FKBP9: variants seen among roughly 807,000 people sequenced by gnomAD.
The protein encoded by FKBP9 is FKBP prolyl isomerase 9, also known as peptidyl-prolyl cis-trans isomerase FKBP9.
FKBP9 carries 27 observed loss-of-function variants against 55.6 expected under a neutral mutation model. The observed-to-expected ratio is 0.49, with a 90% CI of 0.36 to 0.67. FKBP9 has a LOEUF of 0.67. FKBP9 is among the 30% of genes least tolerant of loss of function. The probability of loss-of-function intolerance (pLI) is 0.00; values close to 1 mark genes in which losing one functional copy is unlikely to be tolerated. For missense variants in FKBP9, 539 were observed against 742.8 expected, an observed-to-expected ratio of 0.73 and a Z score of 3.19; for synonymous variants, 267 against 296.5, an observed-to-expected ratio of 0.90 and a Z score of 1.02.
intron 7 of FKBP9, among the ~76,000 whole-genome samples, chr7:32,996,814 G>T: frequency 1.3e-5 from 1 of 78,190 alleles, no homozygotes; most frequent in Non-Finnish European, 2.4e-5. Flanking sequence ...TTGAGACGGA[G>T]TCTCGCTCTG....
intron 1 of FKBP9, among the ~76,000 whole-genome samples, chr7:32,973,682 GT>G (rs745717239): frequency 0.016 from 1,064 of 64,958 alleles, 6 homozygotes; most frequent in African/African-American, 0.05. Context: ...GTTTTTTGTT[GT>G]TTTTTTTTTT....
At chr7:32,999,801 G>GCTCCT (rs1303196401) in intron 7 of FKBP9, among the ~76,000 whole-genome samples, 1 of 152,006 alleles carries the variant, frequency 6.6e-6, no homozygotes, top group Non-Finnish European at 1.5e-5. Flanking sequence ...GGAGTGCAGG[G>GCTCCT]GCACGATCCT....
chr7:32,976,974 T>C (rs962528773), intron 4 of FKBP9, among the ~76,000 whole-genome samples: 6 of 152,242 alleles, frequency 3.9e-5, no homozygotes, highest in Admixed American at 3.9e-4. Context: ...CTATAAAAGT[T>C]GCAGATATCC....
intron 8 of FKBP9, among the ~76,000 whole-genome samples, chr7:33,002,377 C>T (rs1784950497): frequency 6.6e-6 from 1 of 152,186 alleles, no homozygotes; most frequent in South Asian, 2.1e-4. Flanking sequence ...AAGTGATCCG[C>T]CCGAGTCGGC....
At chr7:32,960,706 C>T (rs1001723746) in intron 1 of FKBP9, among the ~76,000 whole-genome samples, 7 of 152,074 alleles carry the variant, frequency 4.6e-5, no homozygotes, top group Non-Finnish European at 8.8e-5. Flanking sequence ...ATTCATCAAA[C>T]GTTTTTCAGC....
Position 33,005,517 on chromosome 7 carries a change from G to A in FKBP9, c.*166G>A, listed in dbSNP as rs1256175156. The A allele has an allele frequency of 7.0e-6, 5 of 715,900 alleles. No homozygotes were observed. The highest frequency in any genetic ancestry group is 6.9e-6 in the Non-Finnish European group (3 of 432,064). The allele number at this position is 715,900 out of a possible 1,614,324, so 44.3% of individuals were successfully genotyped here. ...ACATCGGGGTGGGTTGATATATGGG[G>A]TGAGAAGTTTGGGCTGATCGCCAGT... On this transcript the variant is annotated 3_prime_UTR_variant, in exon 10 of 10. Transcript: ENST00000242209.
At chr7:32,968,948 A>G (rs1784201645) in intron 1 of FKBP9, among the ~76,000 whole-genome samples, 1 of 152,082 alleles carries the variant, frequency 6.6e-6, no homozygotes, top group Non-Finnish European at 1.5e-5. Flanking sequence ...ATGAGCCACC[A>G]TGCCTGGCCT....
At chr7:32,981,517 A>C (rs998213619) in intron 5 of FKBP9, among the ~76,000 whole-genome samples, 2 of 152,110 alleles carry the variant, frequency 1.3e-5, no homozygotes, top group African/African-American at 4.8e-5. Context: ...CTTCCAGTAG[A>C]GCAAACAAGT....
At chr7:32,971,436 T>TCTTTCTTTCTTCCTTTCTTC (rs1562564884) in intron 1 of FKBP9, among the ~76,000 whole-genome samples, 10 of 152,138 alleles carry the variant, frequency 6.6e-5, no homozygotes, top group Admixed American at 2.0e-4. Flanking sequence ...AGGCAACAAC[T>TCTTTCTTTCTTCCTTTCTTC]CTTTCTTTCT....
intron 1 of FKBP9, among the ~76,000 whole-genome samples, chr7:32,969,477 A>G (rs1462718959): frequency 6.6e-6 from 1 of 152,190 alleles, no homozygotes; most frequent in African/African-American, 2.4e-5. Context: ...CGTTTATTGA[A>G]GAGACCATCC....
chr7:33,001,732 G>C (rs1370485098), intron 8 of FKBP9, among the ~76,000 whole-genome samples: 4 of 151,972 alleles, frequency 2.6e-5, no homozygotes, highest in African/African-American at 4.8e-5. Flanking sequence ...TTGAATTTGT[G>C]CTTACAGTCA....
chr7:32,971,968 T>G (rs1291677948), intron 1 of FKBP9, among the ~76,000 whole-genome samples: 1 of 151,836 alleles, frequency 6.6e-6, no homozygotes, highest in Admixed American at 6.6e-5. Context: ...TAAAAAGTTT[T>G]GTTAAATTTA....
At chr7:32,998,348 G>A (rs1049634821) in intron 7 of FKBP9, among the ~76,000 whole-genome samples, 51 of 152,248 alleles carry the variant, frequency 3.3e-4, no homozygotes, top group Non-Finnish European at 6.9e-4. Flanking sequence ...GGAAGTGGGT[G>A]TGGGGAATGA....
At chr7:32,984,416 C>T (rs779110004) in intron 5 of FKBP9, among the ~76,000 whole-genome samples, 1 of 151,924 alleles carries the variant, frequency 6.6e-6, no homozygotes, top group Non-Finnish European at 1.5e-5. Flanking sequence ...AAAATTTGCC[C>T]GACTCATTTT....
chr7:32,990,903 G>A (rs1213089916), intron 6 of FKBP9, among the ~76,000 whole-genome samples: 1 of 147,030 alleles, frequency 6.8e-6, no homozygotes, highest in Non-Finnish European at 1.5e-5. Flanking sequence ...TTGGTTGGAA[G>A]GTAGGTTGTA....
rs1784781615 is a variant in FKBP9 at position 32,996,244 on chromosome 7, C to T, written c.1121C>T (p.Thr374Ile). The change falls in exon 7 of 10, where the codon ACC becomes ATC. Residue 374 changes from threonine to isoleucine, a missense_variant. This residue lies in a region of FKBP9 where 172 missense variants were observed against 205.3 expected (regional missense o/e 0.84). Transcript: ENST00000242209. Reference protein sequence around the residue: ...FHNPSDSISITSHYKPPDCSV... With the variant: ...FHNPSDSISIISHYKPPDCSV... ...AACCCTTCGGACTCCATCAGCATCA[C>T]CTCCCACTACAAACCCCCTGACTGC... The T allele has an allele frequency of 6.2e-7, 1 of 1,614,032 alleles. No individual in the cohort carries two copies. The highest frequency in any genetic ancestry group is 8.5e-7 in the Non-Finnish European group (1 of 1,179,890).
chr7:32,962,336 G>T (rs1293869393), intron 1 of FKBP9, among the ~76,000 whole-genome samples: 1 of 152,212 alleles, frequency 6.6e-6, no homozygotes, highest in Non-Finnish European at 1.5e-5. Context: ...GGAGGTTGCG[G>T]TGAGTCGAGA....
At chr7:32,985,504 T>A (rs1784559605) in intron 5 of FKBP9, among the ~76,000 whole-genome samples, 1 of 152,026 alleles carries the variant, frequency 6.6e-6, no homozygotes, top group Admixed American at 6.6e-5. Flanking sequence ...TCATAGGTGT[T>A]CCATACATAT....
intron 1 of FKBP9, among the ~76,000 whole-genome samples, chr7:32,967,019 T>C (rs1246164641): frequency 1.3e-5 from 2 of 152,084 alleles, no homozygotes; most frequent in Non-Finnish European, 2.9e-5. Flanking sequence ...GGTGAAGGTA[T>C]GTATTCCTCT....
Sources: gnomAD v4.1 joint callset for allele counts (sites outside exome capture counted in the v4.1 genomes callset) on GRCh38, gnomAD v4.1.1 for gene constraint, gnomAD v4.1.1 regional missense constraint, MANE v1.5 for transcripts, NCBI Gene and HGNC (gene_info 2026-07-23, HGNC 2026-07-21) for gene names.